KDM5B: variants seen among roughly 807,000 people sequenced by gnomAD.
KDM5B encodes lysine-specific demethylase 5B.
In KDM5B, 144 loss-of-function variants were observed where a neutral mutation model predicts 193.4. The ratio of observed to expected loss-of-function variants is 0.74; its 90% CI spans 0.65 to 0.86. KDM5B has a LOEUF of 0.86. KDM5B is among the 40% of genes least tolerant of loss of function. KDM5B has a pLI of 0.00. For synonymous variants in KDM5B, 668 were observed against 682.6 expected, an observed-to-expected ratio of 0.98 and a Z score of 0.33; for missense variants, 1,833 against 1,886.9, an observed-to-expected ratio of 0.97 and a Z score of 0.53.
chr1:202,779,767 C>CA (rs1657118151), intron 1 of KDM5B, among the ~76,000 whole-genome samples: 1 of 151,384 alleles, frequency 6.6e-6, no homozygotes, highest in Non-Finnish European at 1.5e-5. Flanking sequence ...CATGCCTTTG[C>CA]ACTCCAGCCT....
intron 4 of KDM5B, 54 bp from the exon 5 acceptor site, chr1:202,767,114 A>G: frequency 6.2e-7 from 1 of 1,601,796 alleles, no homozygotes; most frequent in Non-Finnish European, 8.5e-7. Context: ...TCACATCATA[A>G]GTTTATTGAC....
At chr1:202,741,080 TCA>T (rs1161669992) in intron 19 of KDM5B, among the ~76,000 whole-genome samples, 6 of 152,280 alleles carry the variant, frequency 3.9e-5, no homozygotes, top group African/African-American at 1.4e-4. Context: ...TTTTCCTCTC[TCA>T]AAGACACGAT....
At chr1:202,803,772 G>C (rs1239962546) in intron 1 of KDM5B, among the ~76,000 whole-genome samples, 2 of 151,526 alleles carry the variant, frequency 1.3e-5, no homozygotes, top group East Asian at 3.9e-4. Context: ...TGAGCAACAT[G>C]ACGTTGCGCC....
chr1:202,784,737 CA>C (rs1657336587), intron 1 of KDM5B, among the ~76,000 whole-genome samples: 1 of 152,142 alleles, frequency 6.6e-6, no homozygotes, highest in South Asian at 2.1e-4. Flanking sequence ...CAAAGAATTG[CA>C]TTCAAAGTCT....
At chr1:202,768,242 C>T (rs574888076) in intron 4 of KDM5B, among the ~76,000 whole-genome samples, 13 of 152,258 alleles carry the variant, frequency 8.5e-5, no homozygotes, top group South Asian at 8.3e-4. Context: ...AACATTAACA[C>T]GACAAAATAT....
rs373643428 is a variant in KDM5B, at chr1:202,733,646, G to A, written c.3664C>T (p.Arg1222Trp). 1.7e-5 allele frequency: 28 copies of A among 1,614,110 alleles called. No homozygotes were observed. The East Asian group carries it at 2.0e-4, about 12-fold the overall frequency. Residue 1222 changes from arginine to tryptophan, a missense_variant, in exon 23 of 27, where the codon CGG becomes TGG. Physicochemically the swap from Arg to Trp is moderately radical, Grantham distance 101. Around this residue, in one of 3 missense-constraint regions of KDM5B, gnomAD observed 1,379 missense variants for 1,349.6 expected, o/e 1.02. Coordinates refer to ENST00000367265, the MANE Select transcript of KDM5B (RefSeq NM_006618.5). ...GLRIWLCPHC[R>W]RSEKPPLEKI... is the part of the protein sequence containing the mutation. ...TCTAATGGAGGTTTCTCTGACCTCCGACAATGGGGACAAAGCCAGATTCGC... is the reference window on the plus strand; with the variant it reads ...TCTAATGGAGGTTTCTCTGACCTCCAACAATGGGGACAAAGCCAGATTCGC...
At position 202,808,101 on chromosome 1, in the gene KDM5B, C is replaced by A; in HGVS notation, c.204+1G>T. 2 of 1,609,910 alleles carry A rather than the reference C, an allele frequency of 1.2e-6. No homozygotes were observed. Among genetic ancestry groups the A allele is most frequent in the Non-Finnish European group, 1.7e-6 (2 of 1,178,582 alleles). On this transcript the variant is annotated splice_donor_variant, in intron 1 of 26. Transcript: ENST00000367265. LOFTEE classifies it high-confidence loss of function. The stretch of plus-strand genomic sequence containing the variant: ...GGATCCGGGGTGCTGGCGTGACTCA[C>A]CGGCGGCGGCCGCACCTTACAGATG...
chr1:202,793,924 A>C (rs533202506), intron 1 of KDM5B, among the ~76,000 whole-genome samples: 1 of 152,120 alleles, frequency 6.6e-6, no homozygotes, highest in African/African-American at 2.4e-5. Context: ...CCAAACCCAT[A>C]CTCTACCACA....
rs775686902 is a variant in KDM5B, at chr1:202,729,753, T to A, written c.4451A>T (p.Asp1484Val). Residue 1484 changes from aspartate (D) to valine (V), a missense_variant, in exon 26 of 27, where the codon GAT becomes GTT. Transcript: ENST00000367265. ...YSEQEDSEDE[D>V]AICPAVSCLQ... ...GCAGCTCACAGCTGGGCAGATGGCA[T>A]CTTCATCCTCAGAGTCTTCCTGTTC... 6.2e-7 allele frequency: 1 copy of A among 1,614,154 alleles called. No individual in the cohort carries two copies.
chr1:202,752,884 G>GAGGATTAACCCC (rs1655848001), intron 12 of KDM5B, 21 bp downstream of exon 12: 1 of 1,591,218 alleles, frequency 6.3e-7, no homozygotes. Flanking sequence ...TGAGTGGCAG[G>GAGGATTAACCCC]AGGATTAACC....
intron 13 of KDM5B, 37 bp downstream of exon 13, chr1:202,750,622 T>C (rs1655750983): frequency 6.2e-7 from 1 of 1,602,124 alleles, no homozygotes. Context: ...GGAAAAACAA[T>C]AAATTTGAAA....
At chr1:202,753,675 G>GTT (rs35243011) in intron 11 of KDM5B, among the ~76,000 whole-genome samples, 2 of 87,350 alleles carry the variant, frequency 2.3e-5, no homozygotes, top group African/African-American at 3.9e-5. Context: ...TTTTTTTTTT[G>GTT]TTTTTTTTTT....
intron 16 of KDM5B, among the ~76,000 whole-genome samples, chr1:202,743,219 C>G (rs892779619): frequency 9.9e-5 from 15 of 151,834 alleles, no homozygotes; most frequent in African/African-American, 3.1e-4. Context: ...CAACTGTAGT[C>G]CCAACTATTT....
chr1:202,740,687 A>G lies in KDM5B; in HGVS notation c.3071T>C (p.Val1024Ala). The change falls in exon 20 of 27, where the codon GTA becomes GCA. Residue 1024 changes from valine (V) to alanine (A), a missense_variant. Val to Ala is a moderately conservative substitution (Grantham distance 64, BLOSUM62 0). This residue lies in a region of KDM5B where 1,379 missense variants were observed against 1,349.6 expected (regional missense o/e 1.02). Coordinates refer to ENST00000367265, the MANE Select transcript of KDM5B (RefSeq NM_006618.5). ...VQRARDWLQD[V>A]EGLQAGGRVP... Reference sequence around the variant, plus strand: ...TTTAAAACCAACCTGCAGGCCCTCTACATCCTGAAGCCAGTCTCTGGCTCT... The same window carrying G: ...TTTAAAACCAACCTGCAGGCCCTCTGCATCCTGAAGCCAGTCTCTGGCTCT... 6.2e-7 allele frequency: 1 copy of G among 1,612,038 alleles called. No homozygotes were observed. Among genetic ancestry groups the G allele is most frequent in the Non-Finnish European group, 8.5e-7 (1 of 1,179,472 alleles).
intron 1 of KDM5B, among the ~76,000 whole-genome samples, chr1:202,804,051 G>C (rs141802262): frequency 6.6e-6 from 1 of 151,860 alleles, no homozygotes; most frequent in African/African-American, 2.4e-5. Context: ...CCTGCACGTT[G>C]TACACATGTA....
At chr1:202,752,854 G>A in intron 12 of KDM5B, 51 bp downstream of exon 12, 1 of 1,512,802 alleles carries the variant, frequency 6.6e-7, no homozygotes, top group Non-Finnish European at 9.0e-7. Flanking sequence ...AAAGGAAAAA[G>A]AGAAGTGGTG....
intron 19 of KDM5B, among the ~76,000 whole-genome samples, chr1:202,741,129 C>A (rs987303762): frequency 6.6e-6 from 1 of 152,200 alleles, no homozygotes; most frequent in Admixed American, 6.5e-5. Context: ...TAAACCAACT[C>A]TAGAAAAGGT....
chr1:202,749,168 A>C (rs376572358), intron 13 of KDM5B, 29 bp from the exon 14 acceptor site: 2 of 1,582,266 alleles, frequency 1.3e-6, no homozygotes, highest in South Asian at 2.3e-5. Flanking sequence ...AGAAAAAAAT[A>C]ACATTCATCT....
intron 5 of KDM5B, 89 bp downstream of exon 5, chr1:202,766,837 A>G: frequency 1.4e-6 from 2 of 1,382,460 alleles, no homozygotes; most frequent in Non-Finnish European, 2.0e-6. Flanking sequence ...AACTACAAAG[A>G]GCACACACAT....
Sources: allele counts gnomAD v4.1 joint callset (sites outside exome capture counted in the v4.1 genomes callset), GRCh38; gene constraint gnomAD v4.1.1; regional missense constraint gnomAD v4.1.1; transcripts MANE v1.5; gene names NCBI Gene and HGNC (gene_info 2026-07-23, HGNC 2026-07-21).